PIK3R3: variants seen among roughly 807,000 people sequenced by gnomAD.
PIK3R3 encodes phosphatidylinositol 3-kinase regulatory subunit gamma.
In PIK3R3, 64 loss-of-function variants were observed where a neutral mutation model predicts 62.9. That is an observed-to-expected ratio of 1.02 (90% CI 0.83 to 1.25). The LOEUF is 1.25. PIK3R3 is among the 50% of genes most tolerant of loss of function. PIK3R3 has a pLI of 0.00. For synonymous variants in PIK3R3, 165 were observed against 189.0 expected (o/e 0.87, Z 1.04); for missense variants, 614 against 561.6 (o/e 1.09, Z -0.94).
intron 7 of PIK3R3, among the ~76,000 whole-genome samples, chr1:46,055,462 T>C (rs1325413130): frequency 6.6e-6 from 1 of 152,230 alleles, no homozygotes; most frequent in Non-Finnish European, 1.5e-5. Context: ...AGTTCTAGTA[T>C]GTAAACAAAG....
In PIK3R3 at chr1:46,044,884, A is replaced by C. The variant is rs1647069650; in HGVS notation, c.1188-1013T>G. On this transcript the variant is annotated intron_variant, in intron 9 of 9. Coordinates refer to ENST00000262741, the MANE Select transcript of PIK3R3 (RefSeq NM_003629.4). This position sits in a 1 kb window ranked among gnomAD's most constrained non-coding sequence, Gnocchi z 4.2. Reference sequence around the variant, plus strand: ...TGAAACCAGGTAAACTTGGATTCAAACTCTGACTCCATGATACAAGTAGAG... The same window carrying C: ...TGAAACCAGGTAAACTTGGATTCAACCTCTGACTCCATGATACAAGTAGAG... Among the ~76,000 whole-genome samples the C allele has an allele frequency of 6.6e-6, 1 of 152,174 alleles. No individual in the cohort carries two copies. Among genetic ancestry groups the C allele is most frequent in the Admixed American group, 6.5e-5 (1 of 15,280 alleles).
chr1:46,103,603 T>C (rs1053524006), intron 1 of PIK3R3, among the ~76,000 whole-genome samples: 1 of 152,094 alleles, frequency 6.6e-6, no homozygotes, highest in Non-Finnish European at 1.5e-5. Flanking sequence ...TTTATTTATT[T>C]ACTTATTTAC....
intron 1 of PIK3R3, among the ~76,000 whole-genome samples, chr1:46,095,737 T>G (rs980359334): frequency 8.5e-5 from 13 of 152,290 alleles, no homozygotes; most frequent in African/African-American, 3.1e-4. Context: ...GTTGATATAT[T>G]AGATTGATAC....
chr1:46,146,721 A>G, the PIK3R3 span, among the ~76,000 whole-genome samples: 1 of 147,800 alleles, frequency 6.8e-6, no homozygotes, highest in Non-Finnish European at 1.5e-5. Context: ...ACACACACAC[A>G]CACACACACA....
chr1:46,099,687 C>T (rs573385555), intron 1 of PIK3R3, among the ~76,000 whole-genome samples: 1 of 152,138 alleles, frequency 6.6e-6, no homozygotes, highest in African/African-American at 2.4e-5. Context: ...TCTGCTTTTA[C>T]AAACAATGTT....
At chr1:46,081,997 T>TATAAATAAATAA (rs139367620) in intron 1 of PIK3R3, among the ~76,000 whole-genome samples, 2 of 151,766 alleles carry the variant, frequency 1.3e-5, no homozygotes, top group African/African-American at 4.8e-5. Context: ...TTCATGCAGA[T>TATAAATAAATAA]ATAAATAAAT....
the PIK3R3 span, among the ~76,000 whole-genome samples, chr1:46,174,001 G>A: frequency 6.6e-6 from 1 of 152,178 alleles, no homozygotes; most frequent in South Asian, 2.1e-4. Context: ...GAGTGTGAAG[G>A]CATGTGTCTG....
At chr1:46,076,839 C>T (rs972916994) in intron 3 of PIK3R3, among the ~76,000 whole-genome samples, 1 of 152,072 alleles carries the variant, frequency 6.6e-6, no homozygotes, top group African/African-American at 2.4e-5. Flanking sequence ...TGATCTATTG[C>T]ATGTAAAGGC....
intron 1 of PIK3R3, among the ~76,000 whole-genome samples, chr1:46,126,320 T>C (rs931107308): frequency 3.3e-5 from 5 of 150,522 alleles, no homozygotes; most frequent in African/African-American, 4.9e-5. Context: ...GGTGGATCAT[T>C]TGAGGTCAGG....
intron 3 of PIK3R3, among the ~76,000 whole-genome samples, chr1:46,069,445 G>C (rs1346721659): frequency 6.6e-6 from 1 of 151,878 alleles, no homozygotes; most frequent in East Asian, 1.9e-4. Context: ...CTTGAATCCA[G>C]GAGGCAGAGG....
intron 1 of PIK3R3, among the ~76,000 whole-genome samples, chr1:46,102,177 G>A (rs1557611331): frequency 6.6e-6 from 1 of 151,610 alleles, no homozygotes; most frequent in Non-Finnish European, 1.5e-5. Context: ...AGTAGAGACG[G>A]GGTTTCACCG....
upstream of PIK3R3, chr1:46,132,644 A>G (rs1655730940): frequency 2.4e-5 from 31 of 1,289,578 alleles, no homozygotes; most frequent in South Asian, 1.4e-4. Context: ...TCCAGCCACT[A>G]GAGTTTCATT....
intron 1 of PIK3R3, among the ~76,000 whole-genome samples, chr1:46,088,640 A>G (rs1571457850): frequency 6.6e-6 from 1 of 152,134 alleles, no homozygotes; most frequent in South Asian, 2.1e-4. Context: ...AAGATAAGAG[A>G]ATCAGAGGAT....
the PIK3R3 span, among the ~76,000 whole-genome samples, chr1:46,144,126 C>T: frequency 6.6e-6 from 1 of 152,172 alleles, no homozygotes; most frequent in Admixed American, 6.5e-5. Flanking sequence ...GTACCCAAAA[C>T]AAGATCTAGG....
At chr1:46,110,275 C>CCTT (rs1653619240) in intron 1 of PIK3R3, among the ~76,000 whole-genome samples, 1 of 71,310 alleles carries the variant, frequency 1.4e-5, no homozygotes, top group African/African-American at 5.4e-5. Flanking sequence ...CCAGGCTTGG[C>CCTT]TTTTTTTTTT....
chr1:46,118,776 A>G (rs1456208103), intron 1 of PIK3R3, among the ~76,000 whole-genome samples: 3 of 151,966 alleles, frequency 2.0e-5, no homozygotes, highest in Middle Eastern at 3.4e-3. Context: ...GGCTGGTCTC[A>G]AACTCCTGAC....
chr1:46,093,222 C>A (rs1379950563), intron 1 of PIK3R3, among the ~76,000 whole-genome samples: 1 of 152,146 alleles, frequency 6.6e-6, no homozygotes, highest in African/African-American at 2.4e-5. Flanking sequence ...AGTTTAGTAT[C>A]CTAGAGATCA....
the PIK3R3 span, among the ~76,000 whole-genome samples, chr1:46,171,951 G>T: frequency 4.1e-4 from 63 of 152,186 alleles, no homozygotes; most frequent in Non-Finnish European, 7.5e-4. Flanking sequence ...GCCCGTGCTA[G>T]GCTGCCTCCC....
Position 46,080,766 on chromosome 1 carries a change from A to G in PIK3R3, c.107-16T>C, listed in dbSNP as rs1363227177. 18 of 1,481,252 alleles carry G rather than the reference A, an allele frequency of 1.2e-5. No individual in the cohort carries two copies. The highest frequency in any genetic ancestry group is 2.3e-5 in the East Asian group (1 of 44,234). 91.8% of individuals were successfully genotyped at this position (1,481,252 alleles called of 1,614,324 possible). A position where few individuals can be genotyped will look rare whatever the true frequency, so the allele number is the denominator to read the frequency against. ...GGTGGAAGAGCTAGAAGAGAAATGA[A>G]TATTACTCTGTAGATGTAAATTATT... On this transcript the variant is annotated splice_polypyrimidine_tract_variant and intron_variant, in intron 1 of 9. Coordinates refer to ENST00000262741, the MANE Select transcript of PIK3R3 (RefSeq NM_003629.4).
Sources: gnomAD v4.1 joint callset for allele counts (sites outside exome capture counted in the v4.1 genomes callset) on GRCh38, gnomAD v4.1.1 for gene constraint, Gnocchi (gnomAD v3.1) non-coding constraint, MANE v1.5 for transcripts, NCBI Gene and HGNC (gene_info 2026-07-23, HGNC 2026-07-21) for gene names.